Variants in SYTL2 observed in about 807,000 individuals in gnomAD.
SYTL2 encodes the protein synaptotagmin like 2.
A neutral mutation model predicts 198.7 loss-of-function variants in SYTL2; 165 were observed. That is an observed-to-expected ratio of 0.83 (90% CI 0.73 to 0.94). SYTL2 has a LOEUF of 0.94. SYTL2 is among the 40% of genes least tolerant of loss of function. The pLI, the probability that SYTL2 is intolerant of heterozygous loss-of-function variation, is 0.00. For missense variants in SYTL2, 2,835 were observed against 2,582.8 expected (o/e 1.10, Z -2.12); for synonymous variants, 966 against 917.7 (o/e 1.05, Z -0.95).
At chr11:85,781,835 C>A (rs1355807991) in intron 1 of SYTL2, among the ~76,000 whole-genome samples, 1 of 152,216 alleles carries the variant, frequency 6.6e-6, no homozygotes, top group Non-Finnish European at 1.5e-5. Flanking sequence ...CACAGCCTTG[C>A]GCAACTCCAC....
intron 14 of SYTL2, among the ~76,000 whole-genome samples, chr11:85,708,332 T>TA (rs1202303351): frequency 6.6e-6 from 1 of 151,986 alleles, no homozygotes; most frequent in African/African-American, 2.4e-5. Context: ...TCTTCAATGT[T>TA]AAAAAAATAA....
chr11:85,708,625 G>A (rs912922778), intron 14 of SYTL2, among the ~76,000 whole-genome samples: 2 of 152,046 alleles, frequency 1.3e-5, no homozygotes, highest in African/African-American at 2.4e-5. Context: ...TATGAAGTGT[G>A]TCCCATGTAT....
At chr11:85,810,142 A>G (rs1032564301) in intron 1 of SYTL2, among the ~76,000 whole-genome samples, 2 of 152,158 alleles carry the variant, frequency 1.3e-5, no homozygotes, top group African/African-American at 4.8e-5. Context: ...GGGGGCTGAC[A>G]GGGTGATTCA....
intron 1 of SYTL2, among the ~76,000 whole-genome samples, chr11:85,774,474 A>C (rs1397962402): frequency 6.6e-6 from 1 of 152,214 alleles, no homozygotes; most frequent in Non-Finnish European, 1.5e-5. Context: ...GGCCAGGTAC[A>C]CAGTGCCCTG....
At chr11:85,789,293 A>ATT (rs1320684344) in intron 1 of SYTL2, among the ~76,000 whole-genome samples, 3 of 136,306 alleles carry the variant, frequency 2.2e-5, no homozygotes, top group Admixed American at 7.7e-5. Flanking sequence ...ATATATATAT[A>ATT]TATTTATTTA....
chr11:85,725,573 T>A lies in SYTL2; in HGVS notation c.3785A>T (p.Asp1262Val), dbSNP rs371310974. The A allele has an allele frequency of 5.6e-6, 9 of 1,613,966 alleles. No homozygotes were observed. In the African/African-American group the frequency reaches 1.1e-4, roughly 19 times the overall value. Residue 1262 changes from aspartate to valine, a missense_variant, in exon 8 of 20, where the codon GAT becomes GTT. Physicochemically the swap from Asp to Val is radical, Grantham distance 152. Around this residue, in one of 3 missense-constraint regions of SYTL2, gnomAD observed 2,645 missense variants for 2,381.7 expected, o/e 1.11. Transcript: ENST00000359152. ...GIEQSHNTSA[D>V]KREILAPFPV... ...AAAAGGAGCTAGTATTTCTCTCTTA[T>A]CAGCTGAAGTATTGTGACTCTGTTC...
intron 1 of SYTL2, among the ~76,000 whole-genome samples, chr11:85,762,187 G>C (rs1377441301): frequency 6.6e-6 from 1 of 152,162 alleles, no homozygotes; most frequent in Non-Finnish European, 1.5e-5. Context: ...AAGTATAAGA[G>C]ACTCACCGAC....
intron 1 of SYTL2, among the ~76,000 whole-genome samples, chr11:85,806,193 A>G (rs2092956710): frequency 6.6e-6 from 1 of 152,212 alleles, no homozygotes; most frequent in South Asian, 2.1e-4. Context: ...ATAAACCACA[A>G]AGTCTGAGCC....
At chr11:85,700,088 A>T (rs2084034556) in intron 17 of SYTL2, among the ~76,000 whole-genome samples, 1 of 152,284 alleles carries the variant, frequency 6.6e-6, no homozygotes. Flanking sequence ...AAACCTAATG[A>T]CTATAAACTA....
At chr11:85,812,305 C>T (rs2093045223), upstream of SYTL2, among the ~76,000 whole-genome samples, 1 of 152,148 alleles carries the variant, frequency 6.6e-6, no homozygotes. Flanking sequence ...TCTTCCTTCT[C>T]CCAAACTTAC....
chr11:85,787,795 G>A (rs2153614952), intron 1 of SYTL2, among the ~76,000 whole-genome samples: 1 of 145,014 alleles, frequency 6.9e-6, no homozygotes, highest in Admixed American at 7.4e-5. Context: ...AAAGTCTACT[G>A]GCCTCTAAGA....
Position 85,707,441 on chromosome 11 carries a change from G to A in SYTL2, c.6006C>T (p.Asn2002=), listed in dbSNP as rs112099986. ...AGTTCATAGATACCCGCAGTATTTC[G>A]TTATACACAGGATTCAAGGTTTTCT... ...VVKKTLNPVY[N]EILRYKIEKQ... The change falls in exon 15 of 20, where the codon AAC becomes AAT. Residue 2002 remains asparagine, a synonymous_variant. Coordinates refer to ENST00000359152, the MANE Select transcript of SYTL2 (RefSeq NM_206927.4). 6.2e-4 allele frequency: 1,001 copies of A among 1,612,848 alleles called. 9 individuals are homozygous for A. Among genetic ancestry groups the A allele is most frequent in the African/African-American group, 5.1e-3 (383 of 74,960 alleles).
Position 85,717,529 on chromosome 11 carries a change from A to G in SYTL2, c.5484T>C (p.Asp1828=), listed in dbSNP as rs773891064. Residue 1828 remains aspartate (D), a splice_region_variant and synonymous_variant, in exon 11 of 20, where the codon GAT becomes GAC. Coordinates refer to ENST00000359152, the MANE Select transcript of SYTL2 (RefSeq NM_206927.4). ...TAACTGGCTTCTGATCTGGTTTCTC[A>G]TCTACTCAGGAGGGCAACATTGAGA... is the stretch of plus-strand genomic sequence containing the variant. ...PEELVRSAED[D]EKPDQKPVTN... The G allele has an allele frequency of 2.5e-6, 4 of 1,612,356 alleles. No individual in the cohort carries two copies. Among genetic ancestry groups the G allele is most frequent in the Non-Finnish European group, 3.4e-6 (4 of 1,178,620 alleles).
intron 1 of SYTL2, among the ~76,000 whole-genome samples, chr11:85,766,212 G>C (rs369284267): frequency 6.6e-6 from 1 of 152,166 alleles, no homozygotes; most frequent in Non-Finnish European, 1.5e-5. Flanking sequence ...AAGTGTCAAG[G>C]GGGGGAGTTT....
chr11:85,697,774 T>G lies in SYTL2; in HGVS notation c.6368+205A>C, dbSNP rs558430741. On this transcript the variant is annotated intron_variant, in intron 18 of 19. Transcript: ENST00000359152. The stretch of plus-strand genomic sequence containing the variant: ...ATTGAGTATGAGGTCTCTAGTTTCA[T>G]TTGACCTCTTACTTTATGATTTTAA... Among the ~76,000 whole-genome samples the G allele has an allele frequency of 7.9e-5, 12 of 152,344 alleles. No homozygotes were observed. The South Asian group carries it at 2.5e-3, about 32-fold the overall frequency.
chr11:85,795,236 AAAT>A (rs2092786504), intron 1 of SYTL2, among the ~76,000 whole-genome samples: 7 of 152,144 alleles, frequency 4.6e-5, no homozygotes, highest in Admixed American at 4.6e-4. Flanking sequence ...TCAGCCCCCC[AAAT>A]AAAGTCACAT....
At chr11:85,751,015 C>T (rs1371677893) in intron 2 of SYTL2, among the ~76,000 whole-genome samples, 1 of 145,934 alleles carries the variant, frequency 6.9e-6, no homozygotes, top group Admixed American at 7.0e-5. Context: ...GCCTAAATGA[C>T]TGTCTGTAAG....
In SYTL2 at chr11:85,720,871, T is replaced by C. The variant is rs768976590; in HGVS notation, c.5415A>G (p.Ser1805=). 1 of 1,612,100 alleles carries C rather than the reference T, an allele frequency of 6.2e-7. No individual in the cohort carries two copies. Among genetic ancestry groups the C allele is most frequent in the Non-Finnish European group, 8.5e-7 (1 of 1,178,128 alleles). Residue 1805 remains serine (S), a synonymous_variant, in exon 9 of 20, where the codon TCA becomes TCG. Transcript: ENST00000359152. ...KMPSKSLEDI[S]SDSSNQAKVD... Reference sequence around the variant, plus strand: ...CTTTATTCTCACTTGATGAATCTGATGAAATGTCTTCTAGACTTTTGGAAG... The same window carrying C: ...CTTTATTCTCACTTGATGAATCTGACGAAATGTCTTCTAGACTTTTGGAAG...
At position 85,727,018 on chromosome 11, in the gene SYTL2, G is replaced by C. The variant is rs746041944; in HGVS notation, c.2340C>G (p.Pro780=). Residue 780 remains proline (P), a synonymous_variant, in exon 8 of 20, where the codon CCC becomes CCG. Transcript: ENST00000359152. ...ATTTCTCTCTCTGCACTTGGTTCTT[G>C]GGAACCTCACCAGCTTCTTGCTGGA... ...VQFQQEAGEV[P]KNQVQREKYK... is the part of the protein sequence containing the mutation. 2.3e-5 allele frequency: 35 copies of C among 1,536,364 alleles called. No homozygotes were observed. The highest frequency in any genetic ancestry group is 3.0e-5 in the Non-Finnish European group (34 of 1,146,932).
Sources: gnomAD v4.1 joint callset for allele counts (sites outside exome capture counted in the v4.1 genomes callset) on GRCh38, gnomAD v4.1.1 for gene constraint, gnomAD v4.1.1 regional missense constraint, MANE v1.5 for transcripts, NCBI Gene and HGNC (gene_info 2026-07-23, HGNC 2026-07-21) for gene names.